DIP2C: variants seen among roughly 807,000 people sequenced by gnomAD.
The protein encoded by DIP2C is DIP2 acetate--CoA ligase C (putative).
A neutral mutation model predicts 192.4 loss-of-function variants in DIP2C; 33 were observed. That is an observed-to-expected ratio of 0.17 (90% CI 0.13 to 0.23). The LOEUF is 0.23. DIP2C is among the 10% of genes least tolerant of loss of function. The pLI is 1.00. For missense variants in DIP2C, 1,537 were observed against 2,110.1 expected (o/e 0.73, Z 5.32); for synonymous variants, 979 against 864.1 (o/e 1.13, Z -2.33).
In DIP2C at chr10:302,140, C is replaced by G. The variant is rs59680322; in HGVS notation, c.3986+7891G>C. Among the ~76,000 whole-genome samples, 1,318 of 152,234 alleles carry G rather than the reference C, an allele frequency of 8.7e-3. 25 individuals are homozygous for G. The highest frequency in any genetic ancestry group is 0.031 in the African/African-American group (1,267 of 41,528). On this transcript the variant is annotated intron_variant, in intron 32 of 36. Coordinates refer to ENST00000280886, the MANE Select transcript of DIP2C (RefSeq NM_014974.3). ...AAAAAGGCATTTGCATGACTACATA[C>G]ACATAATTGTATATCCATGTAAAGG... is the stretch of plus-strand genomic sequence containing the variant.
At chr10:499,309 T>G (rs935001923) in intron 1 of DIP2C, among the ~76,000 whole-genome samples, 1 of 147,796 alleles carries the variant, frequency 6.8e-6, no homozygotes, top group African/African-American at 2.5e-5. Context: ...CTTCTCCCTG[T>G]GTGGACGGCT....
Position 327,170 on chromosome 10 carries a change from C to T in DIP2C, c.3760G>A (p.Gly1254Arg). 2 of 1,613,492 alleles carry T rather than the reference C, an allele frequency of 1.2e-6. No homozygotes were observed. Among genetic ancestry groups the T allele is most frequent in the Non-Finnish European group, 8.5e-7 (1 of 1,179,894 alleles). Residue 1254 changes from glycine (G) to arginine (R), a missense_variant, in exon 31 of 37, where the codon GGG (glycine) becomes AGG (arginine). Gly to Arg is a moderately radical substitution (Grantham distance 125). Around this residue, in one of 4 missense-constraint regions of DIP2C, gnomAD observed 341 missense variants for 551.7 expected, o/e 0.62. Coordinates refer to ENST00000280886, the MANE Select transcript of DIP2C (RefSeq NM_014974.3). ...GSQTESLKAR[G>R]LDLSRVRTCV... Reference sequence around the variant, plus strand: ...GTCCTCACTCGGGACAAGTCCAGCCCTCGCGCCTGGAGATGATGACAGAGA... The same window carrying T: ...GTCCTCACTCGGGACAAGTCCAGCCTTCGCGCCTGGAGATGATGACAGAGA...
intron 9 of DIP2C, among the ~76,000 whole-genome samples, chr10:408,312 AAGCC>A (rs1274426413): frequency 2.0e-5 from 3 of 151,712 alleles, no homozygotes; most frequent in Non-Finnish European, 2.9e-5. Flanking sequence ...GTCTGTCTCT[AAGCC>A]AGTACCACAT....
intron 6 of DIP2C, among the ~76,000 whole-genome samples, chr10:417,982 GCC>G: frequency 9.3e-6 from 1 of 107,586 alleles, no homozygotes; most frequent in Non-Finnish European, 1.9e-5. Context: ...GCTCGGATAG[GCC>G]TCCCTGTCCA....
At chr10:673,244 G>C (rs1830732176) in intron 1 of DIP2C, among the ~76,000 whole-genome samples, 1 of 152,158 alleles carries the variant, frequency 6.6e-6, no homozygotes, top group Non-Finnish European at 1.5e-5. Flanking sequence ...GTCTATACTT[G>C]AATAGAAAAT....
intron 1 of DIP2C, among the ~76,000 whole-genome samples, chr10:605,975 C>T (rs1852430140): frequency 6.6e-6 from 1 of 152,206 alleles, no homozygotes; most frequent in Non-Finnish European, 1.5e-5. Flanking sequence ...ACTTGCGAGA[C>T]GTTCCCCCCC....
chr10:615,991 TC>T (rs562526076), intron 1 of DIP2C, among the ~76,000 whole-genome samples: 125 of 152,238 alleles, frequency 8.2e-4, no homozygotes, highest in African/African-American at 2.8e-3. Context: ...ATAGACAAAC[TC>T]AGTGCTGCAT....
chr10:348,409 G>C (rs1377806431), intron 26 of DIP2C, among the ~76,000 whole-genome samples: 1 of 152,180 alleles, frequency 6.6e-6, no homozygotes, highest in Non-Finnish European at 1.5e-5. Context: ...CTCCAGGGAA[G>C]ACCCTGCAGA....
intron 10 of DIP2C, among the ~76,000 whole-genome samples, chr10:392,550 G>A (rs1363949177): frequency 6.6e-6 from 1 of 152,164 alleles, no homozygotes; most frequent in African/African-American, 2.4e-5. Context: ...CTGCTCCTCC[G>A]CACGTGTAGA....
At position 287,114 on chromosome 10, in the gene DIP2C, T is replaced by C. The variant is rs11818695; in HGVS notation, c.4045-767A>G. On this transcript the variant is annotated intron_variant, in intron 33 of 36. Transcript: ENST00000280886. The stretch of plus-strand genomic sequence containing the variant: ...TCAGTACTAAGCATTTCCTTCTTTT[T>C]TTTTTTGAGACAGGGTCTAGTTCTG... Among the ~76,000 whole-genome samples, 380 of 152,262 alleles carry C rather than the reference T, an allele frequency of 2.5e-3. 3 individuals carry two copies. The highest frequency in any genetic ancestry group is 8.8e-3 in the African/African-American group (365 of 41,552).
At chr10:449,326 T>C (rs1219117225) in intron 3 of DIP2C, among the ~76,000 whole-genome samples, 1 of 152,190 alleles carries the variant, frequency 6.6e-6, no homozygotes. Flanking sequence ...AGATGTTATT[T>C]AGGCAAACAA....
intron 1 of DIP2C, among the ~76,000 whole-genome samples, chr10:582,838 G>A (rs1430985268): frequency 2.6e-5 from 4 of 152,178 alleles, no homozygotes; most frequent in Non-Finnish European, 5.9e-5. Context: ...AAACCTGGAG[G>A]TTCTAATTGA....
At chr10:583,461 G>T (rs1850791048) in intron 1 of DIP2C, among the ~76,000 whole-genome samples, 1 of 152,204 alleles carries the variant, frequency 6.6e-6, no homozygotes, top group Non-Finnish European at 1.5e-5. Flanking sequence ...CCTGGAAATG[G>T]CATTCTCCTA....
chr10:422,169 C>G (rs1167910473), intron 5 of DIP2C, among the ~76,000 whole-genome samples: 2 of 152,220 alleles, frequency 1.3e-5, no homozygotes, highest in Admixed American at 6.5e-5. Context: ...GAGACACACA[C>G]AAAACCCTAT....
intron 24 of DIP2C, among the ~76,000 whole-genome samples, chr10:354,013 C>G (rs1958952014): frequency 6.6e-6 from 1 of 152,236 alleles, no homozygotes; most frequent in Non-Finnish European, 1.5e-5. Flanking sequence ...GGCCCAGCAT[C>G]TCTTCAGTGT....
intron 3 of DIP2C, among the ~76,000 whole-genome samples, chr10:442,061 G>A (rs781157692): frequency 3.4e-4 from 51 of 151,128 alleles, no homozygotes; most frequent in African/African-American, 1.1e-3. Context: ...GAATCTTCGA[G>A]ACACAGGCAA....
intron 32 of DIP2C, among the ~76,000 whole-genome samples, chr10:295,363 C>T (rs1180277909): frequency 1.3e-5 from 2 of 151,522 alleles, no homozygotes; most frequent in African/African-American, 4.9e-5. Context: ...AGATTGACAC[C>T]ATCTTGGCTA....
intron 31 of DIP2C, among the ~76,000 whole-genome samples, chr10:326,724 A>G (rs949489916): frequency 2.0e-5 from 3 of 152,262 alleles, no homozygotes; most frequent in East Asian, 1.9e-4. Context: ...ATCTTTAAAA[A>G]GTCGAACAGC....
chr10:530,679 GTT>G, intron 1 of DIP2C, among the ~76,000 whole-genome samples: 3 of 137,792 alleles, frequency 2.2e-5, no homozygotes, highest in African/African-American at 8.0e-5. Flanking sequence ...AAAAAAGACT[GTT>G]ACTAACATAG....
Sources: gnomAD v4.1 joint callset for allele counts (sites outside exome capture counted in the v4.1 genomes callset) on GRCh38, gnomAD v4.1.1 for gene constraint, gnomAD v4.1.1 regional missense constraint, MANE v1.5 for transcripts, NCBI Gene and HGNC (gene_info 2026-07-23, HGNC 2026-07-21) for gene names.